SUGCT: variants seen among roughly 807,000 people sequenced by gnomAD.
SUGCT encodes the protein succinyl-CoA:glutarate-CoA transferase, also known as succinyl-CoA:glutarate CoA-transferase.
SUGCT carries 41 observed loss-of-function variants against 55.0 expected under a neutral mutation model. The ratio of observed to expected loss-of-function variants is 0.74; its 90% CI spans 0.58 to 0.97. The LOEUF (loss-of-function observed/expected upper bound fraction) is 0.97, where lower values mean the gene tolerates loss of function less well. Among genes scored for constraint, SUGCT ranks in the 50% least tolerant of loss-of-function variants. The probability of loss-of-function intolerance (pLI) is 0.00; values close to 1 mark genes in which losing one functional copy is unlikely to be tolerated. For missense variants in SUGCT, 568 were observed against 547.8 expected (o/e 1.04, Z -0.37); for synonymous variants, 187 against 200.4 (o/e 0.93, Z 0.56).
At chr7:40,135,926 A>G (rs1787663505) in intron 1 of SUGCT, among the ~76,000 whole-genome samples, 1 of 149,426 alleles carries the variant, frequency 6.7e-6, no homozygotes, top group Non-Finnish European at 1.5e-5. Context: ...CAAAGTGTTG[A>G]GATTACAGAC....
At chr7:40,590,959 C>T (rs1797686904) in intron 12 of SUGCT, among the ~76,000 whole-genome samples, 4 of 152,136 alleles carry the variant, frequency 2.6e-5, no homozygotes, top group Admixed American at 2.6e-4. Flanking sequence ...TACCTCATTA[C>T]CCAAGAGCGC....
chr7:40,865,425 G>A (rs1239525962), downstream of SUGCT, among the ~76,000 whole-genome samples: 1 of 152,106 alleles, frequency 6.6e-6, no homozygotes, highest in African/African-American at 2.4e-5. Flanking sequence ...GAAACACAGG[G>A]AAAGAAATGA....
chr7:40,261,119 A>G (rs1395679158), intron 7 of SUGCT, among the ~76,000 whole-genome samples: 3 of 152,214 alleles, frequency 2.0e-5, no homozygotes, highest in East Asian at 1.9e-4. Context: ...GTGAAAGTCT[A>G]TAGGGACTGG....
the SUGCT span, among the ~76,000 whole-genome samples, chr7:40,981,210 G>T: frequency 1.3e-5 from 2 of 152,146 alleles, no homozygotes; most frequent in Non-Finnish European, 2.9e-5. Flanking sequence ...AGGATTGGCA[G>T]CCCTGATGAA....
At chr7:40,665,180 T>C (rs1434879058) in intron 12 of SUGCT, among the ~76,000 whole-genome samples, 2 of 151,936 alleles carry the variant, frequency 1.3e-5, no homozygotes. Flanking sequence ...GGCTCAGGCC[T>C]GTAATCCCAG....
intron 12 of SUGCT, among the ~76,000 whole-genome samples, chr7:40,630,198 C>T (rs1315466766): frequency 6.6e-6 from 1 of 152,228 alleles, no homozygotes; most frequent in African/African-American, 2.4e-5. Context: ...TTTCTCATTT[C>T]ATCTACTATT....
intron 12 of SUGCT, among the ~76,000 whole-genome samples, chr7:40,532,246 A>ACAT (rs1340937236): frequency 6.6e-6 from 1 of 152,224 alleles, no homozygotes; most frequent in Admixed American, 6.5e-5. Context: ...CATTTTAAGT[A>ACAT]TTTAGTTTGG....
intron 7 of SUGCT, among the ~76,000 whole-genome samples, chr7:40,265,548 G>A (rs1315493509): frequency 1.3e-5 from 2 of 151,794 alleles, no homozygotes; most frequent in Non-Finnish European, 2.9e-5. Flanking sequence ...AGTGGGAAGA[G>A]CATAGAGAAA....
chr7:40,535,027 T>C (rs932421702), intron 12 of SUGCT, among the ~76,000 whole-genome samples: 1 of 152,170 alleles, frequency 6.6e-6, no homozygotes, highest in Non-Finnish European at 1.5e-5. Flanking sequence ...GCAGAACAAA[T>C]TTGCATTCAA....
At chr7:40,736,046 G>A (rs533681508) in intron 12 of SUGCT, among the ~76,000 whole-genome samples, 6 of 151,594 alleles carry the variant, frequency 4.0e-5, no homozygotes, top group Admixed American at 2.0e-4. Context: ...TTCATGATTG[G>A]ATACATAGAT....
chr7:40,643,754 A>G (rs1800370697), intron 12 of SUGCT, among the ~76,000 whole-genome samples: 1 of 152,174 alleles, frequency 6.6e-6, no homozygotes, highest in Non-Finnish European at 1.5e-5. Context: ...GGCCCGTAAA[A>G]TGGAAACATC....
At chr7:40,159,525 C>A (rs550041641) in intron 1 of SUGCT, among the ~76,000 whole-genome samples, 3 of 152,210 alleles carry the variant, frequency 2.0e-5, no homozygotes, top group African/African-American at 7.2e-5. Flanking sequence ...CACGCACCAC[C>A]ACGCCTGGCT....
chr7:40,685,338 C>G (rs1177952714), intron 12 of SUGCT, among the ~76,000 whole-genome samples: 1 of 152,126 alleles, frequency 6.6e-6, no homozygotes, highest in Admixed American at 6.6e-5. Flanking sequence ...CCTCTTGGAG[C>G]CCTCTATCCT....
At chr7:40,878,118 G>C in the SUGCT span, among the ~76,000 whole-genome samples, 2 of 152,094 alleles carry the variant, frequency 1.3e-5, no homozygotes, top group African/African-American at 4.8e-5. Context: ...GGCAGGGTAG[G>C]AGTTAGGATT....
At chr7:40,994,645 C>A in the SUGCT span, among the ~76,000 whole-genome samples, 5 of 152,178 alleles carry the variant, frequency 3.3e-5, no homozygotes, top group African/African-American at 4.8e-5. Flanking sequence ...TCCATGTGGT[C>A]TGCTAAAATT....
At chr7:40,993,896 A>G in the SUGCT span, among the ~76,000 whole-genome samples, 26 of 152,342 alleles carry the variant, frequency 1.7e-4, no homozygotes, top group African/African-American at 6.0e-4. Context: ...GTGAAAAAAT[A>G]TATGCAAGAA....
chr7:40,188,752 G>C (rs1288180791), intron 4 of SUGCT, among the ~76,000 whole-genome samples, 172 bp downstream of exon 4: 1 of 151,824 alleles, frequency 6.6e-6, no homozygotes, highest in Non-Finnish European at 1.5e-5. Flanking sequence ...AAATAATGGA[G>C]CTTTTTACTA....
chr7:40,860,354 G>A lies in SUGCT; in HGVS notation c.1192G>A (p.Ala398Thr), dbSNP rs763236117. The change falls in exon 14 of 14, where the codon GCC (alanine) becomes ACC (threonine). Residue 398 changes from alanine to threonine, a missense_variant. Coordinates refer to ENST00000335693, the MANE Select transcript of SUGCT (RefSeq NM_001193313.2). ...VRYSKFKMSE[A>T]RPPPLLGQHT... ...ATACAGTAAGTTCAAGATGTCAGAG[G>A]CCAGGCCGCCCCCGCTGCTCGGGCA... The A allele has an allele frequency of 3.1e-6, 5 of 1,613,876 alleles. No homozygotes were observed. Among genetic ancestry groups the A allele is most frequent in the Admixed American group, 3.3e-5 (2 of 60,008 alleles).
At chr7:40,339,079 A>G (rs576719631) in intron 9 of SUGCT, among the ~76,000 whole-genome samples, 1 of 152,158 alleles carries the variant, frequency 6.6e-6, no homozygotes, top group East Asian at 1.9e-4. Flanking sequence ...CTGAACAGCA[A>G]ATGTTACTGC....
Sources: allele counts gnomAD v4.1 joint callset (sites outside exome capture counted in the v4.1 genomes callset), GRCh38; gene constraint gnomAD v4.1.1; transcripts MANE v1.5; gene names NCBI Gene and HGNC (gene_info 2026-07-23, HGNC 2026-07-21).